TRIM65: variants seen among roughly 807,000 people sequenced by gnomAD.
TRIM65 encodes E3 ubiquitin-protein ligase TRIM65.
In TRIM65, 46 loss-of-function variants were observed where a neutral mutation model predicts 36.1. That is an observed-to-expected ratio of 1.27 (90% CI 1.01 to 1.63). The LOEUF (loss-of-function observed/expected upper bound fraction) is 1.63. Ranked by LOEUF, TRIM65 falls within the 40% of genes most tolerant of loss-of-function variation. The pLI is 0.00. For synonymous variants in TRIM65, 346 were observed against 313.6 expected (o/e 1.10, Z -1.09); for missense variants, 708 against 696.6 (o/e 1.02, Z -0.18).
Position 75,896,680 on chromosome 17 carries a change from G to A in TRIM65, c.258C>T (p.Gly86=), listed in dbSNP as rs1159597190. The change falls in exon 1 of 6, where the codon GGC becomes GGT. Residue 86 remains glycine (G), a synonymous_variant. Transcript: ENST00000269383. ...AGCGCGCGGCAGGGTCGGGGCCGGG[G>A]CCGGGATCGGGGCCGGGATCCCGGG... ...GPARDPGPDP[G]PGPDPAARCP... 18 of 1,291,934 alleles carry A rather than the reference G, an allele frequency of 1.4e-5. No homozygotes were observed. The highest frequency in any genetic ancestry group is 1.7e-5 in the Non-Finnish European group (17 of 1,026,154). The allele number at this position is 1,291,934 out of a possible 1,614,324, so 80.0% of individuals were successfully genotyped here.
In TRIM65 at chr17:75,896,892, G is replaced by C; in HGVS notation, c.46C>G (p.Leu16Val). The C allele has an allele frequency of 6.6e-7, 1 of 1,522,482 alleles. No homozygotes were observed. Among genetic ancestry groups the C allele is most frequent in the Non-Finnish European group, 8.8e-7 (1 of 1,139,290 alleles). The allele number at this position is 1,522,482 out of a possible 1,614,324, so 94.3% of individuals were successfully genotyped here. A position where few individuals can be genotyped will look rare whatever the true frequency, so the allele number is the denominator to read the frequency against. Residue 16 changes from leucine to valine, a missense_variant, in exon 1 of 6, where the codon CTG (leucine) becomes GTG (valine). Transcript: ENST00000269383. ...LEEKLTCAIC[L>V]GLYQDPVTLP... Reference sequence around the variant, plus strand: ...GTCACTGGGTCCTGGTAGAGCCCCAGGCAGATGGCGCAGGTCAGCTTCTCC... The same window carrying C: ...GTCACTGGGTCCTGGTAGAGCCCCACGCAGATGGCGCAGGTCAGCTTCTCC...
chr17:75,888,205 T>C (rs1443140820), downstream of TRIM65, among the ~76,000 whole-genome samples: 2 of 144,514 alleles, frequency 1.4e-5, no homozygotes, highest in African/African-American at 5.3e-5. Context: ...AAATAAATAT[T>C]AGTCGGGTGT....
At chr17:75,885,575 G>A (rs1354228514), downstream of TRIM65, among the ~76,000 whole-genome samples, 1 of 152,230 alleles carries the variant, frequency 6.6e-6, no homozygotes, top group African/African-American at 2.4e-5. Context: ...TCTGGAGACT[G>A]CAGATGCTTG....
chr17:75,883,567 G>C (rs148901818), intron 4 of TRIM65, among the ~76,000 whole-genome samples: 1 of 125,510 alleles, frequency 8.0e-6, no homozygotes, highest in South Asian at 2.7e-4. Flanking sequence ...TCGCTCTGTC[G>C]CCCAGGCTGG....
rs1159847703 is a variant in TRIM65 at position 75,892,314 on chromosome 17, T to C, written c.697A>G (p.Arg233Gly). The C allele has an allele frequency of 6.2e-7, 1 of 1,612,670 alleles. No homozygotes were observed. The highest frequency in any genetic ancestry group is 1.1e-5 in the South Asian group (1 of 91,014). The stretch of plus-strand genomic sequence containing the variant: ...ACCTGCTCCAGGAGCTCCCGGATCC[T>C]GCAGCCATGGCGAGCCACAGCCTCC... Reference protein sequence around the residue: ...HLEAVARHGCRIRELLEQVDE... With the variant: ...HLEAVARHGCGIRELLEQVDE... The change falls in exon 3 of 6, where the codon AGG becomes GGG. Residue 233 changes from arginine (R) to glycine (G), a missense_variant. Transcript: ENST00000269383.
rs916381465 is a variant in TRIM65 at position 75,889,681 on chromosome 17, C to G, written c.*1098G>C. 6.6e-6 allele frequency: 1 copy of G among 152,326 alleles called. No homozygotes were observed. The highest frequency in any genetic ancestry group is 1.9e-4 in the East Asian group (1 of 5,174). 9.4% of individuals were successfully genotyped at this position (152,326 alleles called of 1,614,324 possible). ...GTCGGCTTGACTCAAGGTGGCCTCA[C>G]TGTGGCCTTTTGTATAAAAAAATCT... is the stretch of plus-strand genomic sequence containing the variant. On this transcript the variant is annotated 3_prime_UTR_variant, in exon 6 of 6. Transcript: ENST00000269383.
rs932210748 is a variant in TRIM65, at chr17:75,892,160, C to A, written c.770G>T (p.Gly257Val). 11 of 1,570,158 alleles carry A rather than the reference C, an allele frequency of 7.0e-6. No individual in the cohort carries two copies. The Admixed American group carries it at 9.4e-5, about 13-fold the overall frequency. ...CAGAGGGGTCAGTGGCCCAAGAGGC[C>A]CTGGGGGCTGGAGGAGCTGCGATTC... ...LQESQLLQPP[G>V]PLGPLTPLQW... Residue 257 changes from glycine to valine, a missense_variant, in exon 4 of 6, where the codon GGG (glycine) becomes GTG (valine). Transcript: ENST00000269383.
chr17:75,892,697 T>C lies in TRIM65; in HGVS notation c.510+58A>G, dbSNP rs2065289496. The C allele has an allele frequency of 5.3e-6, 8 of 1,511,282 alleles. No individual in the cohort carries two copies. The South Asian group carries it at 6.9e-5, about 13-fold the overall frequency. 93.6% of individuals were successfully genotyped at this position (1,511,282 alleles called of 1,614,324 possible). On this transcript the variant is annotated intron_variant, in intron 2 of 5. Coordinates refer to ENST00000269383, the MANE Select transcript of TRIM65 (RefSeq NM_173547.4). ...GCCTGGTGTTCCAGGGACCAGCTGG[T>C]GGCCGCCCCAGGATGCAGTGTGAGG... is the stretch of plus-strand genomic sequence containing the variant.
rs766120537 is a variant in TRIM65 at position 75,892,188 on chromosome 17, G to A, written c.745-3C>T. ...GGGGGCTGGAGGAGCTGCGATTCCT[G>A]AGCCCCAGGGAGAACAAGTAAGCCT... On this transcript the variant is annotated splice_polypyrimidine_tract_variant and splice_region_variant and intron_variant, in intron 3 of 5. Transcript: ENST00000269383. The A allele has an allele frequency of 1.0e-5, 16 of 1,572,798 alleles. No individual in the cohort carries two copies. In the South Asian group the frequency reaches 1.9e-4, roughly 18 times the overall value.
At chr17:75,881,235 C>CAAAAAAAAA (rs58718762) in intron 4 of TRIM65, among the ~76,000 whole-genome samples, 3 of 110,346 alleles carry the variant, frequency 2.7e-5, no homozygotes, top group Non-Finnish European at 3.8e-5. Context: ...GACTCCATCT[C>CAAAAAAAAA]AAAAAAAAAA....
intron 3 of TRIM65, 26 bp downstream of exon 3, chr17:75,892,241 G>GC: frequency 6.3e-7 from 1 of 1,598,716 alleles, no homozygotes. Context: ...AAGCAAGTCC[G>GC]CCACCTATGC....
downstream of TRIM65, among the ~76,000 whole-genome samples, chr17:75,887,723 T>C (rs984900847): frequency 6.6e-6 from 1 of 151,116 alleles, no homozygotes; most frequent in African/African-American, 2.4e-5. Context: ...GGCTGTCCAT[T>C]AGGAAGAAAA....
Position 75,896,542 on chromosome 17 carries a change from G to A in TRIM65, c.396C>T (p.Ala132=). Reference sequence around the variant, plus strand: ...GCGTCACCTCGCGCTTGAGGCGCTCGGCATCCAGCAGCGCCCGCTCGTGGA... The same window carrying A: ...GCGTCACCTCGCGCTTGAGGCGCTCAGCATCCAGCAGCGCCCGCTCGTGGA... ...CRLHERALLD[A]ERLKREAQLR... The change falls in exon 1 of 6, where the codon GCC becomes GCT. Residue 132 remains alanine, a synonymous_variant. Transcript: ENST00000269383. 1 of 1,351,564 alleles carries A rather than the reference G, an allele frequency of 7.4e-7. No individual in the cohort carries two copies. The highest frequency in any genetic ancestry group is 9.5e-7 in the Non-Finnish European group (1 of 1,053,300). The allele number at this position is 1,351,564 out of a possible 1,614,324, so 83.7% of individuals were successfully genotyped here.
At chr17:75,885,893 G>A (rs142123005), downstream of TRIM65, among the ~76,000 whole-genome samples, 48 of 152,276 alleles carry the variant, frequency 3.2e-4, no homozygotes, top group East Asian at 9.1e-3. Flanking sequence ...ATCCTGCCTG[G>A]AAAGGCACAT....
At chr17:75,892,600 T>C in intron 2 of TRIM65, 100 bp from the exon 3 acceptor site, 1 of 1,283,442 alleles carries the variant, frequency 7.8e-7, no homozygotes, top group East Asian at 2.4e-5. Flanking sequence ...GTCAGGGATG[T>C]GGGGAGGCAG....
At chr17:75,882,835 A>G (rs72860394) in intron 4 of TRIM65, among the ~76,000 whole-genome samples, 3,878 of 150,326 alleles carry the variant, frequency 0.026, 104 homozygotes, top group Middle Eastern at 0.054. Context: ...GTGCTTGAGA[A>G]AAAAAGGAAA....
In TRIM65 at chr17:75,891,797, C is replaced by T. The variant is rs763846687; in HGVS notation, c.985+16G>A. ...ACGCACACACAGGGGCACACATACACGAACGGCCTCCTTACTCTGCCAGAG... is the reference window on the plus strand; with the variant it reads ...ACGCACACACAGGGGCACACATACATGAACGGCCTCCTTACTCTGCCAGAG... On this transcript the variant is annotated intron_variant, in intron 5 of 5. Coordinates refer to ENST00000269383, the MANE Select transcript of TRIM65 (RefSeq NM_173547.4). 46 of 1,604,182 alleles carry T rather than the reference C, an allele frequency of 2.9e-5. No individual in the cohort carries two copies. The highest frequency in any genetic ancestry group is 3.3e-4 in the Middle Eastern group (2 of 6,070).
downstream of TRIM65, among the ~76,000 whole-genome samples, chr17:75,887,154 T>A (rs377316940): frequency 2.0e-5 from 2 of 101,716 alleles, no homozygotes; most frequent in African/African-American, 7.5e-5. Flanking sequence ...CCCCATCTCT[T>A]AAAAAAAAAA....
In TRIM65 at chr17:75,896,687, T is replaced by TCGGGGCCGGGATC; in HGVS notation, c.238_250dup (p.Asp84GlyfsTer164). The TCGGGGCCGGGATC allele has an allele frequency of 7.7e-7, 1 of 1,297,232 alleles. No individual in the cohort carries two copies. The highest frequency in any genetic ancestry group is 2.9e-4 in the Middle Eastern group (1 of 3,394). The allele number at this position is 1,297,232 out of a possible 1,614,324, so 80.4% of individuals were successfully genotyped here. A position where few individuals can be genotyped will look rare whatever the true frequency, so the allele number is the denominator to read the frequency against. ...GGCAGGGTCGGGGCCGGGGCCGGGA[T>TCGGGGCCGGGATC]CGGGGCCGGGATCCCGGGCGGGCCC... is the stretch of plus-strand genomic sequence containing the variant. On this transcript the variant is annotated frameshift_variant, in exon 1 of 6. Coordinates refer to ENST00000269383, the MANE Select transcript of TRIM65 (RefSeq NM_173547.4). LOFTEE classifies it high-confidence loss of function.
Sources: gnomAD v4.1 joint callset for allele counts (sites outside exome capture counted in the v4.1 genomes callset) on GRCh38, gnomAD v4.1.1 for gene constraint, MANE v1.5 for transcripts, NCBI Gene and HGNC (gene_info 2026-07-23, HGNC 2026-07-21) for gene names.